The following NEBL variants were observed in gnomAD, a reference collection of about 807,000 sequenced individuals.
The protein encoded by NEBL is nebulette.
In NEBL, 122 loss-of-function variants were observed where a neutral mutation model predicts 140.2. That is an observed-to-expected ratio of 0.87 (90% confidence interval 0.75 to 1.01). The LOEUF (loss-of-function observed/expected upper bound fraction) is 1.01, where lower values mean the gene tolerates loss of function less well. Among genes scored for constraint, NEBL ranks in the 50% least tolerant of loss-of-function variants. The pLI is 0.00. For synonymous variants in NEBL, 436 were observed against 398.9 expected (o/e 1.09, Z -1.11); for missense variants, 1,365 against 1,231.3 (o/e 1.11, Z -1.62).
chr10:20,907,267 G>C (rs980291102), intron 4 of NEBL, among the ~76,000 whole-genome samples: 2 of 152,048 alleles, frequency 1.3e-5, no homozygotes, highest in Admixed American at 6.6e-5. Flanking sequence ...GTGTGGAAAT[G>C]TATTTTATTA....
intron 4 of NEBL, among the ~76,000 whole-genome samples, chr10:20,958,981 A>G (rs371057873): frequency 3.3e-5 from 5 of 152,340 alleles, no homozygotes; most frequent in East Asian, 1.9e-4. Context: ...AAAAATTTCA[A>G]AACATTGACA....
chr10:21,190,974 C>G (rs1361460627), intron 3 of NEBL, among the ~76,000 whole-genome samples: 1 of 152,188 alleles, frequency 6.6e-6, no homozygotes, highest in East Asian at 1.9e-4. Flanking sequence ...CAGAAAGGAA[C>G]TAGGCATTGC....
chr10:20,955,932 T>A (rs1318294274), intron 4 of NEBL, among the ~76,000 whole-genome samples: 1 of 151,644 alleles, frequency 6.6e-6, no homozygotes, highest in African/African-American at 2.4e-5. Context: ...AAAAGTCATA[T>A]GTGTTAATTC....
In NEBL at chr10:21,206,991, T is replaced by TTA. The variant is rs1564542613; in HGVS notation, n.349-34516_349-34515dup. On this transcript the variant is annotated intron_variant and non_coding_transcript_variant, in intron 3 of 8. Transcript: ENST00000675702. The stretch of plus-strand genomic sequence containing the variant: ...TTCTTTTTTTTTTTTTTTTTTTTTT[T>TTA]TAGACAGAGTCTTGCTCTATAGCCC... Among the ~76,000 whole-genome samples the TTA allele has an allele frequency of 8.8e-5, 13 of 148,340 alleles. 2 individuals carry two copies. Among genetic ancestry groups the TTA allele is most frequent in the African/African-American group, 2.8e-4 (11 of 39,738 alleles).
chr10:21,174,048 G>C (rs374859608), exon 1 of NEBL: 1 of 1,123,696 alleles, frequency 8.9e-7, no homozygotes, highest in Middle Eastern at 3.8e-4. Flanking sequence ...GCTCGCAGGC[G>C]CTGGGTCTCG....
At position 21,291,504 on chromosome 10, in the gene NEBL, T is replaced by TA. The variant is rs747203288; in HGVS notation, n.182+1325dup. Among the ~76,000 whole-genome samples, 1,139 of 116,528 alleles carry TA rather than the reference T, an allele frequency of 9.8e-3. 15 individuals carry two copies. Among genetic ancestry groups the TA allele is most frequent in the African/African-American group, 0.028 (871 of 31,392 alleles). The allele number at this position is 116,528 out of a possible 152,430, so 76.4% of individuals were successfully genotyped here. Reference sequence around the variant, plus strand: ...CTGGGTGACAGAGCAAGACTCTGTCTAAAAAAAAAAAAAAAGAAGAAGAAG... The same window carrying TA: ...CTGGGTGACAGAGCAAGACTCTGTCTAAAAAAAAAAAAAAAAGAAGAAGAAG... On this transcript the variant is annotated intron_variant and non_coding_transcript_variant, in intron 1 of 8. Coordinates refer to the NEBL transcript ENST00000675702.
At chr10:21,190,470 C>T (rs1035053298) in intron 3 of NEBL, among the ~76,000 whole-genome samples, 19 of 152,048 alleles carry the variant, frequency 1.2e-4, no homozygotes, top group South Asian at 2.1e-4. Context: ...TGCGACAGAG[C>T]GAGACTCTGT....
intron 7 of NEBL, among the ~76,000 whole-genome samples, chr10:20,862,731 T>A (rs1483737998): frequency 6.6e-6 from 1 of 152,184 alleles, no homozygotes; most frequent in African/African-American, 2.4e-5. Flanking sequence ...GGAGTGACTT[T>A]GCCATGGTTT....
chr10:20,943,879 T>C (rs552415143), intron 4 of NEBL, among the ~76,000 whole-genome samples: 8 of 152,316 alleles, frequency 5.3e-5, no homozygotes, highest in Admixed American at 2.0e-4. Context: ...CCAGACAGTG[T>C]CCTGAGGACA....
At chr10:21,144,061 T>C (rs7910863) in intron 2 of NEBL, among the ~76,000 whole-genome samples, 6,400 of 152,218 alleles carry the variant, frequency 0.042, 437 homozygotes, top group African/African-American at 0.14. Flanking sequence ...CTGACAATAG[T>C]TATGTTCTCT....
Position 21,173,973 on chromosome 10 carries a change from G to A in NEBL, c.-140C>T. 25 of 1,347,566 alleles carry A rather than the reference G, an allele frequency of 1.9e-5. No individual in the cohort carries two copies. The South Asian group carries it at 2.4e-4, about 13-fold the overall frequency. 83.5% of individuals were successfully genotyped at this position (1,347,566 alleles called of 1,614,324 possible). A position where few individuals can be genotyped will look rare whatever the true frequency, so the allele number is the denominator to read the frequency against. The stretch of plus-strand genomic sequence containing the variant: ...GGGCGCCGGGTAGGGAGTCGGCGCC[G>A]GGCCACGGGTGAGTGCACGGGGAGG... On this transcript the variant is annotated 5_prime_UTR_variant, in exon 1 of 7. Transcript: ENST00000417816. This position sits in a 1 kb window ranked among gnomAD's most constrained non-coding sequence, Gnocchi z 5.7.
At chr10:21,190,872 T>C (rs1841562873) in intron 3 of NEBL, among the ~76,000 whole-genome samples, 1 of 152,200 alleles carries the variant, frequency 6.6e-6, no homozygotes. Flanking sequence ...CTGTATTTTA[T>C]TGTTTGAGGT....
chr10:21,144,972 A>G (rs886966301), intron 2 of NEBL, among the ~76,000 whole-genome samples: 3 of 150,256 alleles, frequency 2.0e-5, no homozygotes, highest in Non-Finnish European at 3.0e-5. Flanking sequence ...AAAAAAAAAG[A>G]TATCTCTCCA....
intron 3 of NEBL, among the ~76,000 whole-genome samples, chr10:21,222,187 T>C (rs572300517): frequency 2.0e-5 from 3 of 152,088 alleles, no homozygotes; most frequent in South Asian, 4.2e-4. Context: ...GGCTCACACC[T>C]GTAATCCCAC....
chr10:20,866,919 G>A (rs952787877), intron 7 of NEBL, among the ~76,000 whole-genome samples: 1 of 151,892 alleles, frequency 6.6e-6, no homozygotes. Context: ...TTCATTCATG[G>A]TAAGAACAAC....
At chr10:20,837,839 C>T (rs554246867) in intron 13 of NEBL, among the ~76,000 whole-genome samples, 10 of 152,252 alleles carry the variant, frequency 6.6e-5, no homozygotes, top group African/African-American at 2.4e-4. Flanking sequence ...ATCTACTCTG[C>T]CTATGCTTTA....
intron 2 of NEBL, chr10:21,110,796 C>A (rs1231099868): frequency 5.3e-6 from 3 of 571,414 alleles, no homozygotes; most frequent in African/African-American, 3.7e-5. Context: ...TAAGAACAGT[C>A]AGGTTAGGGA....
intron 11 of NEBL, among the ~76,000 whole-genome samples, chr10:20,848,367 C>A (rs1041598050): frequency 2.0e-5 from 3 of 152,206 alleles, no homozygotes; most frequent in Non-Finnish European, 4.4e-5. Flanking sequence ...TATCAATTCA[C>A]TTGAAACAAA....
chr10:20,903,131 C>A (rs574679365), intron 4 of NEBL, among the ~76,000 whole-genome samples: 114 of 152,182 alleles, frequency 7.5e-4, no homozygotes, highest in Non-Finnish European at 1.3e-3. Flanking sequence ...CAGATAGTAT[C>A]AAACTCTATA....
Sources: allele counts gnomAD v4.1 joint callset (sites outside exome capture counted in the v4.1 genomes callset), GRCh38; gene constraint gnomAD v4.1.1; non-coding constraint Gnocchi (gnomAD v3.1); transcripts MANE v1.5; gene names NCBI Gene and HGNC (gene_info 2026-07-23, HGNC 2026-07-21).